TPST1: variants seen among roughly 807,000 people sequenced by gnomAD.
The protein encoded by TPST1 is protein-tyrosine sulfotransferase 1.
In TPST1, 20 loss-of-function variants were observed where a neutral mutation model predicts 34.8. That is an observed-to-expected ratio of 0.57 (90% CI 0.40 to 0.84). TPST1 has a LOEUF of 0.84. Ranked by LOEUF, TPST1 falls within the 40% of genes least tolerant of loss-of-function variation. TPST1 has a pLI of 0.00. For synonymous variants in TPST1, 152 were observed against 159.4 expected, an observed-to-expected ratio of 0.95 and a Z score of 0.35; for missense variants, 353 against 455.5, an observed-to-expected ratio of 0.78 and a Z score of 2.05.
At chr7:66,331,916 C>T (rs988317945) in intron 3 of TPST1, among the ~76,000 whole-genome samples, 2 of 152,086 alleles carry the variant, frequency 1.3e-5, no homozygotes, top group African/African-American at 4.8e-5. Flanking sequence ...CTCGGTTGTT[C>T]TTGCCTTATG....
At chr7:66,233,393 G>A (rs1312937644) in intron 1 of TPST1, among the ~76,000 whole-genome samples, 2 of 152,106 alleles carry the variant, frequency 1.3e-5, no homozygotes, top group East Asian at 1.9e-4. Flanking sequence ...GCATATGGTA[G>A]GTATCCAACT....
intron 3 of TPST1, among the ~76,000 whole-genome samples, chr7:66,328,906 A>ATATATATATATTTTT (rs1299138303): frequency 7.6e-5 from 1 of 13,158 alleles, no homozygotes; most frequent in African/African-American, 5.7e-4. Flanking sequence ...ATATATATAT[A>ATATATATATATTTTT]TTTTTTTTTT....
chr7:66,245,001 C>T (rs17138154), intron 2 of TPST1, among the ~76,000 whole-genome samples: 13,502 of 152,086 alleles, frequency 0.089, 748 homozygotes, highest in Non-Finnish European at 0.12. Context: ...ACAAAAAATC[C>T]TCTAAATCAG....
chr7:66,310,494 C>A (rs1451895105), intron 3 of TPST1, among the ~76,000 whole-genome samples: 1 of 152,080 alleles, frequency 6.6e-6, no homozygotes, highest in African/African-American at 2.4e-5. Flanking sequence ...ACCGTGTGTT[C>A]ACTGCAAATG....
chr7:66,265,612 A>G (rs1230784868), intron 2 of TPST1, among the ~76,000 whole-genome samples: 3 of 152,136 alleles, frequency 2.0e-5, no homozygotes, highest in Non-Finnish European at 4.4e-5. Context: ...CTAAAACCCC[A>G]AATTTGATGG....
intron 1 of TPST1, among the ~76,000 whole-genome samples, chr7:66,222,751 T>G (rs1789570956): frequency 6.6e-6 from 1 of 150,942 alleles, no homozygotes; most frequent in South Asian, 2.1e-4. Flanking sequence ...TGCTGGGAGG[T>G]GAAGGTAAAG....
intron 3 of TPST1, among the ~76,000 whole-genome samples, chr7:66,306,248 A>G (rs1562836840): frequency 6.6e-6 from 1 of 152,222 alleles, no homozygotes; most frequent in Admixed American, 6.5e-5. Context: ...GCAGGCAATC[A>G]ACTCAGGTAG....
chr7:66,276,828 A>C (rs1462576283), intron 2 of TPST1, among the ~76,000 whole-genome samples: 1 of 151,766 alleles, frequency 6.6e-6, no homozygotes, highest in Non-Finnish European at 1.5e-5. Context: ...TCTCTATAGG[A>C]ATGTTCTTCT....
intron 2 of TPST1, among the ~76,000 whole-genome samples, chr7:66,243,169 T>TTTGTGTG (rs1790072239): frequency 7.5e-5 from 10 of 133,688 alleles, no homozygotes; most frequent in African/African-American, 2.3e-4. Flanking sequence ...GTGTGTGTGT[T>TTTGTGTG]TGTGTGTGTG....
chr7:66,259,554 A>G (rs1790445360), intron 2 of TPST1, among the ~76,000 whole-genome samples: 1 of 152,072 alleles, frequency 6.6e-6, no homozygotes, highest in Admixed American at 6.6e-5. Flanking sequence ...GACTGTTGGA[A>G]ATGTTTCCAT....
At chr7:66,276,608 A>G in intron 2 of TPST1, among the ~76,000 whole-genome samples, 1 of 151,926 alleles carries the variant, frequency 6.6e-6, no homozygotes, top group South Asian at 2.1e-4. Context: ...TATTTCACTT[A>G]TAATTTCTTT....
intron 1 of TPST1, among the ~76,000 whole-genome samples, chr7:66,226,945 C>A (rs982060294): frequency 6.7e-6 from 1 of 149,562 alleles, no homozygotes; most frequent in Non-Finnish European, 1.5e-5. Flanking sequence ...TTTTTGGATG[C>A]CTATAGGGAT....
At chr7:66,273,113 T>C (rs1790737163) in intron 2 of TPST1, among the ~76,000 whole-genome samples, 1 of 152,134 alleles carries the variant, frequency 6.6e-6, no homozygotes, top group Admixed American at 6.5e-5. Flanking sequence ...CATTCAAAAA[T>C]CAGTAGTGTT....
At chr7:66,313,542 C>T (rs1791574290) in intron 3 of TPST1, among the ~76,000 whole-genome samples, 1 of 152,166 alleles carries the variant, frequency 6.6e-6, no homozygotes, top group Non-Finnish European at 1.5e-5. Context: ...GGTCTTTGAA[C>T]TCCCTGCAGT....
chr7:66,219,914 T>A (rs57294491), intron 1 of TPST1, among the ~76,000 whole-genome samples: 136,151 of 151,876 alleles, frequency 0.9, 61,205 homozygotes, highest in African/African-American at 0.94. Flanking sequence ...TTACCTTATT[T>A]TTCGTTGCAG....
At chr7:66,243,903 G>C (rs1041633348) in intron 2 of TPST1, among the ~76,000 whole-genome samples, 1 of 149,764 alleles carries the variant, frequency 6.7e-6, no homozygotes, top group East Asian at 2.0e-4. Context: ...GTCATCCTGT[G>C]TGCTTTTCGT....
chr7:66,337,154 G>T (rs1273031167), intron 3 of TPST1, among the ~76,000 whole-genome samples: 1 of 152,084 alleles, frequency 6.6e-6, no homozygotes, highest in Non-Finnish European at 1.5e-5. Context: ...TGGGTAAAAA[G>T]AAAGCATCTA....
chr7:66,275,575 C>A (rs901377119), intron 2 of TPST1, among the ~76,000 whole-genome samples: 1 of 152,090 alleles, frequency 6.6e-6, no homozygotes, highest in Non-Finnish European at 1.5e-5. Flanking sequence ...TTTGCAACAT[C>A]GTTAATAAAC....
At chr7:66,321,841 A>T (rs1339683970) in intron 3 of TPST1, among the ~76,000 whole-genome samples, 1 of 152,170 alleles carries the variant, frequency 6.6e-6, no homozygotes. Context: ...ACTGAGACTG[A>T]GCACCTTTTC....
Sources: gnomAD v4.1 joint callset for allele counts (sites outside exome capture counted in the v4.1 genomes callset) on GRCh38, gnomAD v4.1.1 for gene constraint, MANE v1.5 for transcripts, NCBI Gene and HGNC (gene_info 2026-07-23, HGNC 2026-07-21) for gene names.